The following LPP variants were observed in gnomAD, a reference collection of about 807,000 sequenced individuals.
The protein encoded by LPP is LIM domain containing preferred translocation partner in lipoma, also known as lipoma-preferred partner.
A neutral mutation model predicts 60.4 loss-of-function variants in LPP; 38 were observed. The ratio of observed to expected loss-of-function variants is 0.63; its 90% CI spans 0.49 to 0.83. LPP has a LOEUF of 0.83. LPP is among the 40% of genes least tolerant of loss of function. The probability of loss-of-function intolerance (pLI) is 0.00; values close to 1 mark genes in which losing one functional copy is unlikely to be tolerated. For missense variants in LPP, 902 were observed against 783.6 expected, an observed-to-expected ratio of 1.15 and a Z score of -1.80; for synonymous variants, 328 against 290.8, an observed-to-expected ratio of 1.13 and a Z score of -1.30.
intron 9 of LPP, among the ~76,000 whole-genome samples, chr3:188,787,409 ATC>A (rs143604281): frequency 6.6e-6 from 1 of 151,932 alleles, no homozygotes. Flanking sequence ...ACAACTTTAG[ATC>A]TCTCTCTCTT....
chr3:188,169,962 G>A (rs894014123), intron 1 of LPP, among the ~76,000 whole-genome samples: 1 of 152,230 alleles, frequency 6.6e-6, no homozygotes, highest in Non-Finnish European at 1.5e-5. Flanking sequence ...TCATGGAGGA[G>A]CGCTGGGTCT....
rs1791735932 is a variant in LPP, at chr3:188,434,220, A to G, written c.193+27907A>G. Reference sequence around the variant, plus strand: ...ACATAAATAGTGGTAAGAAACACATAGTACATTGACAAGAGCGTATATATG... The same window carrying G: ...ACATAAATAGTGGTAAGAAACACATGGTACATTGACAAGAGCGTATATATG... On this transcript the variant is annotated intron_variant, in intron 4 of 11. Transcript: ENST00000617246. Among the ~76,000 whole-genome samples, 3 of 152,216 alleles carry G rather than the reference A, an allele frequency of 2.0e-5. No homozygotes were observed. The South Asian group carries it at 6.2e-4, about 31-fold the overall frequency.
chr3:188,613,939 A>ATTTTTTTT (rs1212454893), intron 7 of LPP, among the ~76,000 whole-genome samples: 10 of 150,482 alleles, frequency 6.6e-5, no homozygotes, highest in Non-Finnish European at 1.3e-4. Flanking sequence ...TTATTTATTT[A>ATTTTTTTT]TTTTTTGAGA....
intron 3 of LPP, among the ~76,000 whole-genome samples, chr3:188,351,172 G>C (rs1051880355): frequency 2.6e-5 from 4 of 152,202 alleles, no homozygotes; most frequent in Non-Finnish European, 5.9e-5. Context: ...CAGGGCCCCA[G>C]ACATAGTGCT....
At chr3:188,676,533 G>T (rs181723809) in intron 7 of LPP, among the ~76,000 whole-genome samples, 1 of 152,124 alleles carries the variant, frequency 6.6e-6, no homozygotes, top group Admixed American at 6.5e-5. Flanking sequence ...TTCGTTCTTT[G>T]TTATATGTCT....
chr3:188,599,089 CA>C (rs1340204757), intron 6 of LPP, among the ~76,000 whole-genome samples: 1 of 152,100 alleles, frequency 6.6e-6, no homozygotes, highest in Non-Finnish European at 1.5e-5. Flanking sequence ...GCATTTTATC[CA>C]GTGCTGGACA....
intron 9 of LPP, among the ~76,000 whole-genome samples, chr3:188,822,488 G>A (rs1002114864): frequency 6.6e-6 from 1 of 152,106 alleles, no homozygotes; most frequent in Non-Finnish European, 1.5e-5. Flanking sequence ...GGAAAATAAG[G>A]GAGAAACAAG....
At chr3:188,160,129 C>T (rs553472645) in intron 1 of LPP, among the ~76,000 whole-genome samples, 1 of 152,028 alleles carries the variant, frequency 6.6e-6, no homozygotes, top group East Asian at 1.9e-4. Flanking sequence ...GCCAGGCGGT[C>T]TTGAACTCCT....
intron 8 of LPP, among the ~76,000 whole-genome samples, chr3:188,748,498 A>G (rs1577328091): frequency 6.6e-6 from 1 of 152,210 alleles, no homozygotes; most frequent in East Asian, 1.9e-4. Context: ...AATAATAAAC[A>G]ACAGGCCGGG....
chr3:188,512,558 T>TATAAATAAATAA (rs10663448), intron 5 of LPP, among the ~76,000 whole-genome samples: 17,627 of 140,464 alleles, frequency 0.13, 1,206 homozygotes, highest in African/African-American at 0.14. Flanking sequence ...AAACCCGGTC[T>TATAAATAAATAA]ATAAATAAAT....
At chr3:188,235,980 A>G (rs1408579880) in intron 2 of LPP, among the ~76,000 whole-genome samples, 3 of 152,122 alleles carry the variant, frequency 2.0e-5, no homozygotes, top group Non-Finnish European at 4.4e-5. Flanking sequence ...ATCTAGTATA[A>G]TAGTTTGCAA....
In LPP at chr3:188,802,819, A is replaced by G. The variant is rs1034933547; in HGVS notation, c.1410+42537A>G. On this transcript the variant is annotated intron_variant, in intron 9 of 11. Coordinates refer to ENST00000617246, the MANE Select transcript of LPP (RefSeq NM_001375462.1). ...AAAAAAGCTTTAAAATATATATTGC[A>G]TATGGATAAATTTACATATCATAAA... Among the ~76,000 whole-genome samples the G allele has an allele frequency of 3.9e-5, 6 of 152,224 alleles. No individual in the cohort carries two copies. The East Asian group carries it at 5.8e-4, about 15-fold the overall frequency.
intron 3 of LPP, among the ~76,000 whole-genome samples, chr3:188,354,090 A>G (rs1401832666): frequency 6.6e-6 from 1 of 152,138 alleles, no homozygotes; most frequent in Non-Finnish European, 1.5e-5. Context: ...GATGACATTC[A>G]TTATACTTTC....
intron 3 of LPP, among the ~76,000 whole-genome samples, chr3:188,401,938 A>AAGTCAT (rs2148819065): frequency 6.6e-6 from 1 of 152,322 alleles, no homozygotes. Flanking sequence ...AGTATGTTGG[A>AAGTCAT]AGTCATTTTT....
At chr3:188,299,081 C>T (rs974237902) in intron 2 of LPP, among the ~76,000 whole-genome samples, 9 of 152,226 alleles carry the variant, frequency 5.9e-5, no homozygotes, top group Non-Finnish European at 1.3e-4. Flanking sequence ...AATCAGTTAA[C>T]TCTTTATCAA....
At chr3:188,776,152 A>C (rs1737697371) in intron 9 of LPP, among the ~76,000 whole-genome samples, 1 of 152,234 alleles carries the variant, frequency 6.6e-6, no homozygotes, top group Non-Finnish European at 1.5e-5. Flanking sequence ...CACAAGGCAA[A>C]GTAATCCAAC....
intron 7 of LPP, among the ~76,000 whole-genome samples, chr3:188,673,591 A>G (rs569681672): frequency 6.6e-6 from 1 of 152,276 alleles, no homozygotes; most frequent in South Asian, 2.1e-4. Context: ...TTCAGGTATC[A>G]GCTAAGAGTT....
intron 5 of LPP, among the ~76,000 whole-genome samples, chr3:188,487,781 A>G (rs1013344497): frequency 2.0e-5 from 3 of 152,192 alleles, no homozygotes; most frequent in African/African-American, 7.2e-5. Context: ...CCTCTCGGCT[A>G]TGGTTAAAAC....
At chr3:188,576,862 A>G (rs753820105) in intron 6 of LPP, among the ~76,000 whole-genome samples, 47 of 152,240 alleles carry the variant, frequency 3.1e-4, no homozygotes, top group Non-Finnish European at 8.8e-5. Flanking sequence ...ACACATTTTC[A>G]GAAAACATTG....
Sources: allele counts gnomAD v4.1 joint callset (sites outside exome capture counted in the v4.1 genomes callset), GRCh38; gene constraint gnomAD v4.1.1; transcripts MANE v1.5; gene names NCBI Gene and HGNC (gene_info 2026-07-23, HGNC 2026-07-21).